SDCCAG8: variants seen among roughly 807,000 people sequenced by gnomAD.
SDCCAG8 encodes the protein serologically defined colon cancer antigen 8.
In SDCCAG8, 74 loss-of-function variants were observed where a neutral mutation model predicts 101.8. The ratio of observed to expected loss-of-function variants is 0.73; its 90% CI spans 0.60 to 0.88. SDCCAG8 has a LOEUF of 0.88. Ranked by LOEUF, SDCCAG8 falls within the 40% of genes least tolerant of loss-of-function variation. The pLI, the probability that SDCCAG8 is intolerant of heterozygous loss-of-function variation, is 0.00. For synonymous variants in SDCCAG8, 281 were observed against 292.9 expected (o/e 0.96, Z 0.41); for missense variants, 787 against 822.6 (o/e 0.96, Z 0.53).
chr1:243,439,252 T>C (rs1427736318), intron 16 of SDCCAG8, among the ~76,000 whole-genome samples: 1 of 152,028 alleles, frequency 6.6e-6, no homozygotes, highest in Admixed American at 6.6e-5. Flanking sequence ...CTCCTGGATT[T>C]AAGTGATCCT....
intron 12 of SDCCAG8, among the ~76,000 whole-genome samples, chr1:243,377,752 C>G (rs2147901647): frequency 6.6e-6 from 1 of 151,330 alleles, no homozygotes; most frequent in Admixed American, 6.6e-5. Context: ...ATTTTGTTTT[C>G]CAAAAGGAGG....
At chr1:243,301,244 G>C (rs1411958245) in intron 6 of SDCCAG8, among the ~76,000 whole-genome samples, 1 of 152,154 alleles carries the variant, frequency 6.6e-6, no homozygotes, top group Non-Finnish European at 1.5e-5. Flanking sequence ...ATTGTGGTGA[G>C]TTCAAGTGTT....
At chr1:243,319,396 A>G (rs939408419) in intron 9 of SDCCAG8, among the ~76,000 whole-genome samples, 11 of 152,032 alleles carry the variant, frequency 7.2e-5, no homozygotes, top group South Asian at 2.1e-4. Flanking sequence ...TTTTTGAGAC[A>G]GAGTTTCATT....
intron 9 of SDCCAG8, among the ~76,000 whole-genome samples, chr1:243,325,856 G>A (rs2074110026): frequency 6.6e-6 from 1 of 152,206 alleles, no homozygotes; most frequent in South Asian, 2.1e-4. Flanking sequence ...TTTGAAAATG[G>A]AAGTTATTTC....
At chr1:243,466,519 C>T (rs1205219375) in intron 16 of SDCCAG8, among the ~76,000 whole-genome samples, 2 of 152,216 alleles carry the variant, frequency 1.3e-5, no homozygotes, top group African/African-American at 2.4e-5. Context: ...TGGGAGTAAA[C>T]TTCTTCATCT....
intron 16 of SDCCAG8, among the ~76,000 whole-genome samples, chr1:243,461,937 A>G (rs1659202017): frequency 6.6e-6 from 1 of 152,162 alleles, no homozygotes; most frequent in African/African-American, 2.4e-5. Flanking sequence ...TTCGAGGGGA[A>G]GGGCTAATAC....
chr1:243,466,074 G>T (rs761537997), intron 16 of SDCCAG8, among the ~76,000 whole-genome samples: 3 of 152,144 alleles, frequency 2.0e-5, no homozygotes, highest in Non-Finnish European at 4.4e-5. Context: ...ATAGCAATGC[G>T]CTATGAGCTA....
rs75159923 is a variant in SDCCAG8, at chr1:243,417,271, C to A, written c.1745-697C>A. Among the ~76,000 whole-genome samples the A allele has an allele frequency of 3.8e-3, 571 of 152,224 alleles. 9 individuals carry two copies. Among genetic ancestry groups the A allele is most frequent in the African/African-American group, 0.013 (550 of 41,534 alleles). On this transcript the variant is annotated intron_variant, in intron 14 of 17. Transcript: ENST00000366541. ...CCACTGCTAGCATGATCCTAGTGAT[C>A]AGAGTCTTGGGCAGAATCTAAGCAC...
In SDCCAG8 at chr1:243,284,747, AT is replaced by A. The variant is rs2069426422; in HGVS notation, c.421-1522del. ...ACAAGGAATGCAACATGCCAAGCATATTTCAAACTGGCTGCTTTTCTTCTTC... is the reference window on the plus strand; with the variant it reads ...ACAAGGAATGCAACATGCCAAGCATATTCAAACTGGCTGCTTTTCTTCTTC... On this transcript the variant is annotated intron_variant, in intron 4 of 17. Coordinates refer to ENST00000366541, the MANE Select transcript of SDCCAG8 (RefSeq NM_006642.5). Among the ~76,000 whole-genome samples the A allele has an allele frequency of 2.6e-5, 4 of 152,278 alleles. No homozygotes were observed. The South Asian group carries it at 8.3e-4, about 32-fold the overall frequency.
At chr1:243,372,864 G>A (rs2147887002) in intron 12 of SDCCAG8, among the ~76,000 whole-genome samples, 1 of 146,266 alleles carries the variant, frequency 6.8e-6, no homozygotes, top group Non-Finnish European at 1.5e-5. Flanking sequence ...TGGGTATGGT[G>A]ACACATGCCT....
intron 8 of SDCCAG8, among the ~76,000 whole-genome samples, chr1:243,309,853 T>A (rs1173318204): frequency 6.9e-6 from 1 of 145,702 alleles, no homozygotes; most frequent in Non-Finnish European, 1.5e-5. Context: ...TGGTAGTTTT[T>A]TATGTTTGTT....
At position 243,335,082 on chromosome 1, in the gene SDCCAG8, A is replaced by G. The variant is rs138167573; in HGVS notation, c.1221+4390A>G. The stretch of plus-strand genomic sequence containing the variant: ...CTCATGTAAAATGTGCTCAGTATAT[A>G]TTAGATGAATGAAGGAATGAATTAC... On this transcript the variant is annotated intron_variant, in intron 10 of 17. Transcript: ENST00000366541. Among the ~76,000 whole-genome samples, 3 of 152,254 alleles carry G rather than the reference A, an allele frequency of 2.0e-5. No individual in the cohort carries two copies. In the East Asian group the frequency reaches 5.8e-4, roughly 29 times the overall value.
At chr1:243,338,097 A>G (rs935782296) in intron 10 of SDCCAG8, among the ~76,000 whole-genome samples, 2 of 151,996 alleles carry the variant, frequency 1.3e-5, no homozygotes, top group Admixed American at 1.3e-4. Context: ...ACTAAAAAAA[A>G]AAATTGTAGA....
intron 6 of SDCCAG8, among the ~76,000 whole-genome samples, chr1:243,302,029 C>T (rs1432833575): frequency 2.0e-5 from 3 of 152,088 alleles, no homozygotes; most frequent in African/African-American, 7.2e-5. Context: ...GGGCGGATCA[C>T]CTGAGGTCAG....
At chr1:243,390,904 C>A (rs1251026475) in intron 13 of SDCCAG8, among the ~76,000 whole-genome samples, 1 of 152,172 alleles carries the variant, frequency 6.6e-6, no homozygotes, top group African/African-American at 2.4e-5. Context: ...AGGAATATAA[C>A]AAAAGCCCAT....
At chr1:243,338,443 A>G (rs1306199518) in intron 10 of SDCCAG8, among the ~76,000 whole-genome samples, 2 of 131,954 alleles carry the variant, frequency 1.5e-5, no homozygotes, top group East Asian at 2.2e-4. Flanking sequence ...TTTAAATTCC[A>G]TTTGTGTGGG....
At chr1:243,271,792 C>T (rs886527837) in intron 3 of SDCCAG8, among the ~76,000 whole-genome samples, 70 of 152,258 alleles carry the variant, frequency 4.6e-4, no homozygotes, top group African/African-American at 1.6e-3. Flanking sequence ...AATCCATCAG[C>T]CTCGGCCTCC....
At chr1:243,367,507 A>G (rs534011834) in intron 12 of SDCCAG8, among the ~76,000 whole-genome samples, 68 of 152,028 alleles carry the variant, frequency 4.5e-4, no homozygotes, top group Admixed American at 1.4e-3. Flanking sequence ...AACACAGGTC[A>G]AAGGTACCTT....
chr1:243,388,932 G>A (rs1355467430), intron 13 of SDCCAG8, among the ~76,000 whole-genome samples: 1 of 149,476 alleles, frequency 6.7e-6, no homozygotes, highest in African/African-American at 2.5e-5. Flanking sequence ...TGGCTATTTG[G>A]GAAGCTACGT....
Sources: gnomAD v4.1 joint callset for allele counts (sites outside exome capture counted in the v4.1 genomes callset) on GRCh38, gnomAD v4.1.1 for gene constraint, MANE v1.5 for transcripts, NCBI Gene and HGNC (gene_info 2026-07-23, HGNC 2026-07-21) for gene names.